RYR2: variants seen among roughly 807,000 people sequenced by gnomAD.
RYR2 encodes cardiac muscle ryanodine receptor-calcium release channel.
In RYR2, 227 loss-of-function variants were observed where a neutral mutation model predicts 601.1. That is an observed-to-expected ratio of 0.38 (90% confidence interval 0.34 to 0.42). The LOEUF is 0.42. Among genes scored for constraint, RYR2 ranks in the 10% least tolerant of loss-of-function variants. RYR2 has a pLI of 1.00. For missense variants in RYR2, 4,646 were observed against 6,156.5 expected (o/e 0.75, Z 8.21); for synonymous variants, 2,223 against 2,175.1 (o/e 1.02, Z -0.61).
chr1:237,075,569 G>C (rs1423211351), intron 1 of RYR2, among the ~76,000 whole-genome samples: 1 of 73,766 alleles, frequency 1.4e-5, no homozygotes, highest in Non-Finnish European at 2.8e-5. Flanking sequence ...TTTTCAGACC[G>C]GCTTAAGAAA....
intron 14 of RYR2, among the ~76,000 whole-genome samples, chr1:237,450,894 A>C (rs886871249): frequency 2.6e-5 from 4 of 152,128 alleles, no homozygotes; most frequent in Admixed American, 2.6e-4. Flanking sequence ...TTTTTCAAAA[A>C]CTAAATTTTA....
At chr1:237,466,733 G>T (rs916175817) in intron 16 of RYR2, among the ~76,000 whole-genome samples, 1 of 151,798 alleles carries the variant, frequency 6.6e-6, no homozygotes, top group Non-Finnish European at 1.5e-5. Flanking sequence ...AGCAATTAAA[G>T]TGTTTATTTA....
At chr1:237,625,052 A>AT (rs774400711) in intron 39 of RYR2, among the ~76,000 whole-genome samples, 36 of 144,712 alleles carry the variant, frequency 2.5e-4, no homozygotes, top group Admixed American at 6.2e-4. Flanking sequence ...GTATATATAT[A>AT]TTTTTTTTTT....
chr1:237,723,090 C>G, intron 73 of RYR2, 38 bp from the exon 74 acceptor site: 1 of 1,570,054 alleles, frequency 6.4e-7, no homozygotes, highest in Non-Finnish European at 8.6e-7. Flanking sequence ...TTTTTAGATT[C>G]CCATCTTCCC....
rs188397913 is a variant in RYR2 at position 237,045,212 on chromosome 1, G to A, written c.48+2643G>A. ...GTATTCAGCACCCCAGCACATTGAGGCATCTTTTTGACCACTGTCCACAGA... is the reference window on the plus strand; with the variant it reads ...GTATTCAGCACCCCAGCACATTGAGACATCTTTTTGACCACTGTCCACAGA... On this transcript the variant is annotated intron_variant, in intron 1 of 104. Transcript: ENST00000366574. Among the ~76,000 whole-genome samples the A allele has an allele frequency of 5.6e-4, 85 of 152,122 alleles. 1 individual carries two copies. Among genetic ancestry groups the A allele is most frequent in the African/African-American group, 2.0e-3 (84 of 41,424 alleles).
chr1:237,308,714 C>G (rs1694177206), intron 2 of RYR2, among the ~76,000 whole-genome samples: 1 of 152,154 alleles, frequency 6.6e-6, no homozygotes, highest in Admixed American at 6.5e-5. Context: ...AGTGCAGACC[C>G]AAAGAGTGAG....
chr1:237,584,896 C>G (rs190421991), intron 29 of RYR2, among the ~76,000 whole-genome samples: 1 of 124,756 alleles, frequency 8.0e-6, no homozygotes, highest in East Asian at 2.1e-4. Flanking sequence ...CAGAGTCAAC[C>G]TAATTTGTTA....
intron 1 of RYR2, among the ~76,000 whole-genome samples, chr1:237,058,483 A>G (rs985758902): frequency 1.3e-5 from 2 of 152,260 alleles, no homozygotes; most frequent in Admixed American, 1.3e-4. Context: ...TTACATGTGT[A>G]AATTCCACAT....
intron 1 of RYR2, among the ~76,000 whole-genome samples, chr1:237,172,910 T>G (rs1392763304): frequency 6.6e-6 from 1 of 152,058 alleles, no homozygotes; most frequent in Non-Finnish European, 1.5e-5. Flanking sequence ...CTAGGAGAGG[T>G]CCTTTGCTGT....
intron 32 of RYR2, among the ~76,000 whole-genome samples, 198 bp downstream of exon 32, chr1:237,592,051 T>C (rs989973962): frequency 2.6e-5 from 4 of 152,196 alleles, no homozygotes; most frequent in Non-Finnish European, 5.9e-5. Flanking sequence ...ACAAGAGTTA[T>C]TTTAGAAAAA....
In RYR2 at chr1:237,778,773, A is replaced by AAACT. The variant is rs773240729; in HGVS notation, c.11880+12_11880+15dup. 7 of 1,504,802 alleles carry AAACT rather than the reference A, an allele frequency of 4.7e-6. No homozygotes were observed. Among genetic ancestry groups the AAACT allele is most frequent in the Non-Finnish European group, 6.5e-6 (7 of 1,080,638 alleles). 93.2% of individuals were successfully genotyped at this position (1,504,802 alleles called of 1,614,324 possible). A position where few individuals can be genotyped will look rare whatever the true frequency, so the allele number is the denominator to read the frequency against. ...ATATGCAGATGAAGCTGTCGCAGGTAAACTAACTAACTGCCTTCCTCTCTC... is the reference window on the plus strand; with the variant it reads ...ATATGCAGATGAAGCTGTCGCAGGTAAACTAACTAACTAACTGCCTTCCTCTCTC... On this transcript the variant is annotated splice_donor_region_variant and intron_variant, in intron 88 of 104. Transcript: ENST00000366574.
intron 42 of RYR2, among the ~76,000 whole-genome samples, chr1:237,632,859 A>G (rs1680499535): frequency 6.6e-6 from 1 of 152,242 alleles, no homozygotes; most frequent in Non-Finnish European, 1.5e-5. Context: ...CACAATACTG[A>G]AATAAGCCCA....
chr1:237,458,467 C>T (rs760977620), intron 16 of RYR2, among the ~76,000 whole-genome samples: 33 of 152,114 alleles, frequency 2.2e-4, no homozygotes, highest in Non-Finnish European at 3.4e-4. Context: ...TGATGTTTCT[C>T]CCAACTCTTA....
At position 237,259,150 on chromosome 1, in the gene RYR2, G is replaced by A. The variant is rs534220452; in HGVS notation, c.49-11347G>A. ...TGTGTCATTTTGTATTTAAACTTTT[G>A]CATAAGAGTCATCAGCACAGAACAA... On this transcript the variant is annotated intron_variant, in intron 1 of 104. Transcript: ENST00000366574. Among the ~76,000 whole-genome samples, 4 of 152,096 alleles carry A rather than the reference G, an allele frequency of 2.6e-5. No individual in the cohort carries two copies. The East Asian group carries it at 7.8e-4, about 30-fold the overall frequency.
chr1:237,714,996 A>T (rs1283706688), intron 71 of RYR2, among the ~76,000 whole-genome samples: 10 of 122,354 alleles, frequency 8.2e-5, no homozygotes, highest in Non-Finnish European at 9.8e-5. Context: ...CATCTCAAAA[A>T]AAAAAAAAAA....
At chr1:237,205,191 C>A (rs1572194994) in intron 1 of RYR2, among the ~76,000 whole-genome samples, 1 of 152,182 alleles carries the variant, frequency 6.6e-6, no homozygotes, top group South Asian at 2.1e-4. Context: ...ACCCTCTCCC[C>A]CAAGCCTAGC....
At chr1:237,400,548 G>A (rs1472329063) in intron 10 of RYR2, among the ~76,000 whole-genome samples, 1 of 152,184 alleles carries the variant, frequency 6.6e-6, no homozygotes. Context: ...GCTTTACCAA[G>A]AATGATTAGG....
chr1:237,355,912 C>T, intron 3 of RYR2, 53 bp from the exon 4 acceptor site: 1 of 1,501,822 alleles, frequency 6.7e-7, no homozygotes. Flanking sequence ...GTAATTGAAA[C>T]ATTGCTAGGT....
intron 35 of RYR2, among the ~76,000 whole-genome samples, chr1:237,604,139 G>T (rs147786824): frequency 6.6e-6 from 1 of 151,968 alleles, no homozygotes; most frequent in Non-Finnish European, 1.5e-5. Context: ...TCACCACATC[G>T]CACTTACTCC....
Sources: gnomAD v4.1 joint callset for allele counts (sites outside exome capture counted in the v4.1 genomes callset) on GRCh38, gnomAD v4.1.1 for gene constraint, MANE v1.5 for transcripts, NCBI Gene and HGNC (gene_info 2026-07-23, HGNC 2026-07-21) for gene names.